Variants in CDK12 observed in about 807,000 individuals in gnomAD.
CDK12 encodes cyclin-dependent kinase 12.
In CDK12, 17 loss-of-function variants were observed where a neutral mutation model predicts 133.8. The ratio of observed to expected loss-of-function variants is 0.13; its 90% confidence interval spans 0.09 to 0.19. The LOEUF (loss-of-function observed/expected upper bound fraction) is 0.19, where lower values mean the gene tolerates loss of function less well. CDK12 is among the 10% of genes least tolerant of loss of function. The pLI is 1.00. For missense variants in CDK12, 1,508 were observed against 1,818.7 expected, an observed-to-expected ratio of 0.83 and a Z score of 3.11; for synonymous variants, 694 against 683.6, an observed-to-expected ratio of 1.02 and a Z score of -0.24.
intron 5 of CDK12, among the ~76,000 whole-genome samples, chr17:39,495,263 AGAG>A (rs1427819820): frequency 1.3e-5 from 2 of 151,044 alleles, no homozygotes; most frequent in African/African-American, 4.9e-5. Flanking sequence ...TATTTAGTGG[AGAG>A]GAGGTTTCGC....
At chr17:39,509,812 GT>G in intron 7 of CDK12, 51 bp downstream of exon 7, 2 of 1,383,990 alleles carry the variant, frequency 1.4e-6, no homozygotes, top group Non-Finnish European at 2.1e-6. Flanking sequence ...GTTTTGTTTT[GT>G]TTTTTTGAGG....
Position 39,531,259 on chromosome 17 carries a change from T to C in CDK12, c.4416T>C (p.Tyr1472=), listed in dbSNP as rs377490614. The C allele has an allele frequency of 3.2e-5, 48 of 1,509,822 alleles. No homozygotes were observed. Among genetic ancestry groups the C allele is most frequent in the Non-Finnish European group, 4.2e-5 (48 of 1,132,250 alleles). 93.5% of individuals were successfully genotyped at this position (1,509,822 alleles called of 1,614,324 possible). A position where few individuals can be genotyped will look rare whatever the true frequency, so the allele number is the denominator to read the frequency against. ...AGTCTTCTGCTTATGGAAAACTCTA[T>C]CGGGGGCCTACAAGAGTCCCACCAA... The part of the protein sequence containing the change: ...PTQSSAYGKL[Y]RGPTRVPPRG... The change falls in exon 14 of 14, where the codon TAT becomes TAC. Residue 1472 remains tyrosine, a synonymous_variant. Transcript: ENST00000447079.
At chr17:39,548,127 G>A (rs2055801076), upstream of CDK12, among the ~76,000 whole-genome samples, 1 of 152,160 alleles carries the variant, frequency 6.6e-6, no homozygotes, top group Admixed American at 6.5e-5. Context: ...TAAAACTCAT[G>A]CCCCTTAGCA....
At chr17:39,495,324 C>T (rs543677113) in intron 5 of CDK12, among the ~76,000 whole-genome samples, 30 of 151,126 alleles carry the variant, frequency 2.0e-4, no homozygotes, top group Non-Finnish European at 4.3e-4. Flanking sequence ...GTCATCCGCC[C>T]GCCTCGGCCC....
intron 12 of CDK12, 73 bp downstream of exon 12, chr17:39,524,958 G>A: frequency 1.6e-6 from 2 of 1,274,242 alleles, no homozygotes; most frequent in Non-Finnish European, 1.1e-6. Flanking sequence ...AGTGTAAGGA[G>A]TTTGTGTGTG....
chr17:39,501,945 AGC>A (rs1567744269), intron 6 of CDK12, among the ~76,000 whole-genome samples: 34 of 141,836 alleles, frequency 2.4e-4, no homozygotes, highest in African/African-American at 7.9e-4. Flanking sequence ...CCCAGGTTCA[AGC>A]GATTCTCCTG....
At chr17:39,502,925 C>T (rs1007496956) in intron 6 of CDK12, among the ~76,000 whole-genome samples, 1 of 152,002 alleles carries the variant, frequency 6.6e-6, no homozygotes, top group African/African-American at 2.4e-5. Context: ...TACATAGAGC[C>T]CACTTATGGA....
At chr17:39,513,497 C>T (rs1166245017) in intron 8 of CDK12, among the ~76,000 whole-genome samples, 5 of 152,140 alleles carry the variant, frequency 3.3e-5, no homozygotes, top group African/African-American at 9.7e-5. Flanking sequence ...TTTGCTTTAA[C>T]AGTATTAGCA....
At chr17:39,485,026 C>A (rs1469017372) in intron 2 of CDK12, among the ~76,000 whole-genome samples, 3 of 151,614 alleles carry the variant, frequency 2.0e-5, no homozygotes, top group African/African-American at 4.9e-5. Flanking sequence ...AAAAATTAGC[C>A]AGGCGTGATG....
chr17:39,526,405 A>G (rs569693331), intron 13 of CDK12, 89 bp downstream of exon 13: 6 of 953,296 alleles, frequency 6.3e-6, no homozygotes, highest in South Asian at 1.7e-5. Context: ...CCCCACATCA[A>G]TGGCCTTGGT....
At chr17:39,505,222 C>T (rs1490571920) in intron 6 of CDK12, among the ~76,000 whole-genome samples, 1 of 115,536 alleles carries the variant, frequency 8.7e-6, no homozygotes, top group African/African-American at 3.5e-5. Context: ...AGCAAGACTC[C>T]GTTTCAAAAA....
In CDK12 at chr17:39,515,725, T is replaced by G. The variant is rs561504053; in HGVS notation, c.2769-6T>G. 6.2e-7 allele frequency: 1 copy of G among 1,601,548 alleles called. No homozygotes were observed. Among genetic ancestry groups the G allele is most frequent in the African/African-American group, 1.3e-5 (1 of 74,780 alleles). ...TCTTCTGACCTCTCAATTTTACCTTTTCTAGATGTATTCTTGGGGAACTAT... is the reference window on the plus strand; with the variant it reads ...TCTTCTGACCTCTCAATTTTACCTTGTCTAGATGTATTCTTGGGGAACTAT... On this transcript the variant is annotated splice_region_variant and splice_polypyrimidine_tract_variant and intron_variant, in intron 8 of 13. Transcript: ENST00000447079.
At position 39,515,814 on chromosome 17, in the gene CDK12, G is replaced by T; in HGVS notation, c.2846+6G>T. ...GCTCAGCTAGAACTGATCAGGTACA[G>T]CTGTACATGTGCTCTTGAGTGCCCA... On this transcript the variant is annotated splice_donor_region_variant and intron_variant, in intron 9 of 13. Coordinates refer to ENST00000447079, the MANE Select transcript of CDK12 (RefSeq NM_016507.4). 1 of 1,605,054 alleles carries T rather than the reference G, an allele frequency of 6.2e-7. No homozygotes were observed. Among genetic ancestry groups the T allele is most frequent in the Non-Finnish European group, 8.5e-7 (1 of 1,173,732 alleles).
chr17:39,462,045 T>C lies in CDK12; in HGVS notation c.-27T>C, dbSNP rs753195869. On this transcript the variant is annotated 5_prime_UTR_variant, in exon 1 of 14. Transcript: ENST00000447079. Reference sequence around the variant, plus strand: ...TTTTTGGAGTGCTGGGGAACTTTTTTCCCTTCTTCAGGTCAGGGGAAAGGG... The same window carrying C: ...TTTTTGGAGTGCTGGGGAACTTTTTCCCCTTCTTCAGGTCAGGGGAAAGGG... The C allele has an allele frequency of 2.5e-6, 4 of 1,590,800 alleles. No individual in the cohort carries two copies. Among genetic ancestry groups the C allele is most frequent in the East Asian group, 4.5e-5 (2 of 44,514 alleles).
chr17:39,481,690 CTCTCTCTCTCTCTCTCTCTCTT>C lies in CDK12; in HGVS notation c.1932-8861_1932-8840del, dbSNP rs2050708033. Among the ~76,000 whole-genome samples, 16 of 11,444 alleles carry C rather than the reference CTCTCTCTCTCTCTCTCTCTCTT, an allele frequency of 1.4e-3. 4 individuals are homozygous for C. The highest frequency in any genetic ancestry group is 2.0e-3 in the Non-Finnish European group (7 of 3,496). The allele number at this position is 11,444 out of a possible 152,430, so 7.5% of individuals were successfully genotyped here. A position where few individuals can be genotyped will look rare whatever the true frequency, so the allele number is the denominator to read the frequency against. On this transcript the variant is annotated intron_variant, in intron 2 of 13. Coordinates refer to ENST00000447079, the MANE Select transcript of CDK12 (RefSeq NM_016507.4). The stretch of plus-strand genomic sequence containing the variant: ...TCTCTCTCTCTCTCTCTCTCTCTCT[CTCTCTCTCTCTCTCTCTCTCTT>C]TCTCTTTTCTTTTTTCTTTTTTTTT...
intron 1 of CDK12, among the ~76,000 whole-genome samples, chr17:39,466,280 C>G (rs1218895129): frequency 6.7e-6 from 1 of 148,704 alleles, no homozygotes; most frequent in Non-Finnish European, 1.5e-5. Flanking sequence ...TGCACTCCAG[C>G]CTGGGCGACA....
chr17:39,511,759 G>T, intron 8 of CDK12, 129 bp downstream of exon 8: 1 of 454,166 alleles, frequency 2.2e-6, no homozygotes, highest in Non-Finnish European at 3.9e-6. Context: ...CTTTTGGCCA[G>T]ATTTCCGGGA....
chr17:39,508,168 G>A (rs1480031535), intron 6 of CDK12, among the ~76,000 whole-genome samples: 1 of 151,986 alleles, frequency 6.6e-6, no homozygotes, highest in South Asian at 2.1e-4. Flanking sequence ...TGTCATGTTG[G>A]CACTCAAAAA....
chr17:39,526,591 A>G (rs2146731261), intron 13 of CDK12, among the ~76,000 whole-genome samples: 1 of 152,326 alleles, frequency 6.6e-6, no homozygotes, highest in African/African-American at 2.4e-5. Flanking sequence ...CAAGGAAACC[A>G]CAACCATAGC....
Sources: allele counts gnomAD v4.1 joint callset (sites outside exome capture counted in the v4.1 genomes callset), GRCh38; gene constraint gnomAD v4.1.1; transcripts MANE v1.5; gene names NCBI Gene and HGNC (gene_info 2026-07-23, HGNC 2026-07-21).